The following ZNF430 variants were observed in gnomAD, a reference collection of about 807,000 sequenced individuals.
ZNF430 encodes zinc finger protein 430.
A neutral mutation model predicts 56.7 loss-of-function variants in ZNF430; 35 were observed. That is an observed-to-expected ratio of 0.62 (90% CI 0.47 to 0.82). The LOEUF (loss-of-function observed/expected upper bound fraction) is 0.82, where lower values mean the gene tolerates loss of function less well. ZNF430 is among the 40% of genes least tolerant of loss of function. The pLI is 0.00. For synonymous variants in ZNF430, 212 were observed against 224.3 expected, an observed-to-expected ratio of 0.94 and a Z score of 0.49; for missense variants, 574 against 661.0, an observed-to-expected ratio of 0.87 and a Z score of 1.44.
chr19:21,032,780 C>A (rs1279411750), intron 2 of ZNF430, among the ~76,000 whole-genome samples: 1 of 152,062 alleles, frequency 6.6e-6, no homozygotes, highest in Non-Finnish European at 1.5e-5. Flanking sequence ...TACTCCAGAT[C>A]TTCTGAAGAA....
At chr19:21,055,562 C>T (rs1263689551) in intron 4 of ZNF430, among the ~76,000 whole-genome samples, 1 of 152,000 alleles carries the variant, frequency 6.6e-6, no homozygotes, top group African/African-American at 2.4e-5. Flanking sequence ...GATTCTCCTG[C>T]CTCAGCCTCC....
chr19:21,046,131 G>A (rs948629570), intron 4 of ZNF430, among the ~76,000 whole-genome samples: 2 of 151,980 alleles, frequency 1.3e-5, no homozygotes, highest in African/African-American at 4.8e-5. Context: ...TGACCAGCCT[G>A]GCCAACATGG....
intron 2 of ZNF430, among the ~76,000 whole-genome samples, chr19:21,027,118 A>C (rs987859281): frequency 2.0e-5 from 3 of 151,724 alleles, no homozygotes; most frequent in Non-Finnish European, 4.4e-5. Context: ...GTGAGCCCCC[A>C]TGCCCGGCAG....
At chr19:21,036,679 T>G (rs541463544) in intron 4 of ZNF430, 1 of 151,978 alleles carries the variant, frequency 6.6e-6, no homozygotes, top group African/African-American at 2.4e-5. Flanking sequence ...GTTGTGCATC[T>G]GTGGTTCAGG....
chr19:21,036,876 G>T (rs772405287), intron 4 of ZNF430: 1 of 150,076 alleles, frequency 6.7e-6, no homozygotes, highest in Non-Finnish European at 1.5e-5. Flanking sequence ...TTATGCAAAA[G>T]ACTTAGATAT....
At chr19:21,043,709 C>T (rs965636960) in intron 4 of ZNF430, among the ~76,000 whole-genome samples, 5 of 151,856 alleles carry the variant, frequency 3.3e-5, no homozygotes, top group East Asian at 1.9e-4. Flanking sequence ...GCAGTATGGC[C>T]GTTTTTACAA....
chr19:21,026,085 G>T, intron 2 of ZNF430: 1 of 265,480 alleles, frequency 3.8e-6, no homozygotes, highest in South Asian at 3.9e-5. Context: ...TCACCATGTT[G>T]ACCAGGATGG....
Position 21,029,776 on chromosome 19 carries a change from C to T in ZNF430, c.97-3680C>T, listed in dbSNP as rs1277429276. ...GGTCGAGAGTTTGAGACCAGCCTGA[C>T]TAACATGGTGAAACCCCGTCTCTAC... On this transcript the variant is annotated intron_variant, in intron 2 of 4. Transcript: ENST00000261560. 2.0e-5 allele frequency among the ~76,000 whole-genome samples: 3 copies of T among 152,232 alleles called. No homozygotes were observed. The East Asian group carries it at 5.8e-4, about 29-fold the overall frequency.
Position 21,057,463 on chromosome 19 carries a change from C to G in ZNF430, c.1155C>G (p.Phe385Leu). 6.2e-7 allele frequency: 1 copy of G among 1,613,642 alleles called. No individual in the cohort carries two copies. The highest frequency in any genetic ancestry group is 8.5e-7 in the Non-Finnish European group (1 of 1,179,952). Residue 385 changes from phenylalanine (F) to leucine (L), a missense_variant, in exon 5 of 5, where the codon TTC becomes TTG. Coordinates refer to ENST00000261560, the MANE Select transcript of ZNF430 (RefSeq NM_025189.4). The part of the protein sequence containing the change: ...CEECGKAFYR[F>L]SYLTKHKIIH... ...AATGTGGCAAAGCTTTTTACCGATT[C>G]TCATACCTTACTAAACATAAGATAA...
At chr19:21,026,760 G>A (rs1967803632) in intron 2 of ZNF430, among the ~76,000 whole-genome samples, 1 of 149,644 alleles carries the variant, frequency 6.7e-6, no homozygotes, top group African/African-American at 2.5e-5. Flanking sequence ...ATAGAATCAT[G>A]TCATCTGCAC....
chr19:21,051,767 G>T (rs890447676), intron 4 of ZNF430, among the ~76,000 whole-genome samples: 1 of 152,164 alleles, frequency 6.6e-6, no homozygotes, highest in African/African-American at 2.4e-5. Context: ...GGAATTATAG[G>T]CGTGAGCCAC....
Position 21,056,900 on chromosome 19 carries a change from A to G in ZNF430, c.592A>G (p.Arg198Gly), listed in dbSNP as rs1447098413. Residue 198 changes from arginine to glycine, a missense_variant, in exon 5 of 5, where the codon AGA (arginine) becomes GGA (glycine). Transcript: ENST00000261560. ...TTCAAATCCAAATATACAAAAGATA[A>G]GACATACTGGAAAGAAGCCTTTCAA... is the stretch of plus-strand genomic sequence containing the variant. ...KFSNPNIQKI[R>G]HTGKKPFKCK... 3.7e-6 allele frequency: 6 copies of G among 1,612,098 alleles called. No homozygotes were observed. Among genetic ancestry groups the G allele is most frequent in the Non-Finnish European group, 3.4e-6 (4 of 1,179,240 alleles).
Position 21,057,974 on chromosome 19 carries a change from C to T in ZNF430, c.1666C>T (p.Leu556Phe), listed in dbSNP as rs1343238226. 4 of 1,609,418 alleles carry T rather than the reference C, an allele frequency of 2.5e-6. No homozygotes were observed. Among genetic ancestry groups the T allele is most frequent in the African/African-American group, 2.7e-5 (2 of 74,248 alleles). Reference protein sequence around the residue: ...YGKAFNQSSNLIEQSNSYWRE... With the variant: ...YGKAFNQSSNFIEQSNSYWRE... ...CAAAGCTTTCAACCAGTCCTCAAAC[C>T]TTATTGAACAAAGTAATTCATACTG... Residue 556 changes from leucine (L) to phenylalanine (F), a missense_variant, in exon 5 of 5, where the codon CTT becomes TTT. Transcript: ENST00000261560.
chr19:21,022,495 T>C (rs998278576), intron 1 of ZNF430, among the ~76,000 whole-genome samples: 1 of 152,214 alleles, frequency 6.6e-6, no homozygotes, highest in East Asian at 1.9e-4. Context: ...TATCTGTTTG[T>C]AAATATTTCC....
chr19:21,045,233 A>C (rs1386492076), intron 4 of ZNF430, among the ~76,000 whole-genome samples: 2 of 152,186 alleles, frequency 1.3e-5, no homozygotes, highest in African/African-American at 2.4e-5. Flanking sequence ...TTTCCCCTTA[A>C]CACTGCTTTA....
chr19:21,022,839 T>G lies in ZNF430; in HGVS notation c.54T>G (p.Pro18=), dbSNP rs1967721917. ...VYPLKEASGC[P]GADRNLLVYS... ...CTCTCAAGGAAGCAAGTGGATGCCC[T>G]GGGGCTGACAGGAATCTTCTGGTGT... Residue 18 remains proline (P), a synonymous_variant, in exon 2 of 5, where the codon CCT becomes CCG. Transcript: ENST00000261560. The G allele has an allele frequency of 6.2e-7, 1 of 1,614,030 alleles. No individual in the cohort carries two copies. Among genetic ancestry groups the G allele is most frequent in the Middle Eastern group, 1.6e-4 (1 of 6,062 alleles).
chr19:21,042,649 G>A (rs913638406), intron 4 of ZNF430, among the ~76,000 whole-genome samples: 18 of 152,084 alleles, frequency 1.2e-4, no homozygotes, highest in East Asian at 1.9e-4. Context: ...TTAGCTGGGC[G>A]TGGTGGCGGA....
chr19:21,049,173 CAA>C (rs746043747), intron 4 of ZNF430, among the ~76,000 whole-genome samples: 178 of 65,246 alleles, frequency 2.7e-3, no homozygotes, highest in African/African-American at 0.012. Flanking sequence ...GACTCCATCT[CAA>C]AAAAAAAAAA....
intron 4 of ZNF430, among the ~76,000 whole-genome samples, chr19:21,050,938 G>T (rs1325517292): frequency 6.6e-6 from 1 of 152,098 alleles, no homozygotes; most frequent in Non-Finnish European, 1.5e-5. Flanking sequence ...TGAGGCAGGA[G>T]AATCACTTGA....
Sources: allele counts gnomAD v4.1 joint callset (sites outside exome capture counted in the v4.1 genomes callset), GRCh38; gene constraint gnomAD v4.1.1; transcripts MANE v1.5; gene names NCBI Gene and HGNC (gene_info 2026-07-23, HGNC 2026-07-21).